Variants in GON4L observed in about 807,000 individuals in gnomAD.
GON4L encodes the protein gon-4 like, also known as GON-4-like protein.
GON4L carries 87 observed loss-of-function variants against 211.8 expected under a neutral mutation model. The ratio of observed to expected loss-of-function variants is 0.41; its 90% CI spans 0.35 to 0.49. GON4L has a LOEUF of 0.49. GON4L is among the 20% of genes least tolerant of loss of function. The probability of loss-of-function intolerance (pLI) is 0.15; values close to 1 mark genes in which losing one functional copy is unlikely to be tolerated. For missense variants in GON4L, 2,155 were observed against 2,659.5 expected (o/e 0.81, Z 4.17); for synonymous variants, 875 against 962.6 (o/e 0.91, Z 1.68).
At chr1:155,852,546 C>T (rs1671891983) in intron 2 of GON4L, among the ~76,000 whole-genome samples, 1 of 150,792 alleles carries the variant, frequency 6.6e-6, no homozygotes, top group South Asian at 2.1e-4. Flanking sequence ...CTGAGACCAT[C>T]CTGGCTAACA....
chr1:155,745,284 A>T (rs138711145), downstream of GON4L, among the ~76,000 whole-genome samples: 17 of 152,346 alleles, frequency 1.1e-4, no homozygotes, highest in Middle Eastern at 6.8e-3. Context: ...ACATACACAG[A>T]GATAGATTAA....
intron 11 of GON4L, 58 bp from the exon 12 acceptor site, chr1:155,795,209 C>A: frequency 1.0e-6 from 1 of 967,218 alleles, no homozygotes; most frequent in Non-Finnish European, 1.7e-6. Flanking sequence ...TTCTAAGAAT[C>A]TGTTCCAATA....
At chr1:155,844,199 T>C (rs1341607738) in intron 2 of GON4L, among the ~76,000 whole-genome samples, 1 of 152,174 alleles carries the variant, frequency 6.6e-6, no homozygotes, top group Non-Finnish European at 1.5e-5. Context: ...CTAGAATCTC[T>C]GGCCACCAAC....
intron 12 of GON4L, among the ~76,000 whole-genome samples, chr1:155,786,477 G>A (rs914061321): frequency 9.2e-5 from 14 of 151,988 alleles, no homozygotes; most frequent in African/African-American, 3.4e-4. Context: ...GCTGCAGTGT[G>A]CCAAGATCAT....
chr1:155,800,266 A>C (rs1666508081), intron 11 of GON4L, among the ~76,000 whole-genome samples: 1 of 152,014 alleles, frequency 6.6e-6, no homozygotes, highest in Non-Finnish European at 1.5e-5. Context: ...TACTTTTAAA[A>C]AATGGTTTAG....
rs370457027 is a variant in GON4L, at chr1:155,814,322, C to T, written c.1281+8G>A. The T allele has an allele frequency of 2.0e-4, 326 of 1,610,954 alleles. No homozygotes were observed. The African/African-American group carries it at 4.0e-3, about 20-fold the overall frequency. On this transcript the variant is annotated splice_region_variant and intron_variant, in intron 9 of 31. Transcript: ENST00000368331. Reference sequence around the variant, plus strand: ...GTCTAACATCTCTTTTGTATGATGCCGATTTACCTCTGATAATATGCCACT... The same window carrying T: ...GTCTAACATCTCTTTTGTATGATGCTGATTTACCTCTGATAATATGCCACT...
chr1:155,759,673 C>A (rs765555501), intron 24 of GON4L, among the ~76,000 whole-genome samples: 4 of 151,680 alleles, frequency 2.6e-5, no homozygotes, highest in Non-Finnish European at 5.9e-5. Flanking sequence ...TGCAGAACTA[C>A]CCCACTGTCA....
Position 155,757,327 on chromosome 1 carries a change from A to G in GON4L, c.5254-4T>C. On this transcript the variant is annotated splice_polypyrimidine_tract_variant and splice_region_variant and intron_variant, in intron 25 of 31. Transcript: ENST00000368331. The stretch of plus-strand genomic sequence containing the variant: ...GCTGCCACATCTGTGTCTTGAGCTG[A>G]GGAGAGTCACAGAGGGAAAGAGGAA... The G allele has an allele frequency of 6.2e-7, 1 of 1,613,128 alleles. No individual in the cohort carries two copies. The highest frequency in any genetic ancestry group is 8.5e-7 in the Non-Finnish European group (1 of 1,179,620).
chr1:155,840,846 A>G (rs1250384379), intron 2 of GON4L, among the ~76,000 whole-genome samples: 2 of 152,294 alleles, frequency 1.3e-5, no homozygotes, highest in African/African-American at 2.4e-5. Flanking sequence ...CAGCCTGACC[A>G]ACATGGAGAA....
Position 155,798,521 on chromosome 1 carries a change from T to C in GON4L, c.1646-3370A>G, listed in dbSNP as rs550721845. 3.4e-5 allele frequency among the ~76,000 whole-genome samples: 5 copies of C among 148,134 alleles called. No individual in the cohort carries two copies. The East Asian group carries it at 1.0e-3, about 30-fold the overall frequency. On this transcript the variant is annotated intron_variant, in intron 11 of 31. Transcript: ENST00000368331. ...GCCTCCCGGGTTCACGCCATTCTCCTGCCTCAGCCTCCCAAGTAGCTGGGA... is the reference window on the plus strand; with the variant it reads ...GCCTCCCGGGTTCACGCCATTCTCCCGCCTCAGCCTCCCAAGTAGCTGGGA...
chr1:155,771,665 A>C (rs1052763304), intron 18 of GON4L, among the ~76,000 whole-genome samples: 20 of 151,848 alleles, frequency 1.3e-4, no homozygotes, highest in African/African-American at 4.8e-4. Flanking sequence ...ATTTGTAGAG[A>C]CCAGTTCTCA....
rs145344675 is a variant in GON4L at position 155,805,198 on chromosome 1, C to T, written c.1453-57G>A. ...GAGTGATGTTTCCAAACCTCATCAT[C>T]ACTCCTTTTCTTCTCATCTTAGCTT... On this transcript the variant is annotated intron_variant, in intron 10 of 31. Coordinates refer to ENST00000368331, the MANE Select transcript of GON4L (RefSeq NM_001282860.2). 8.1e-6 allele frequency: 9 copies of T among 1,111,514 alleles called. No individual in the cohort carries two copies. In the East Asian group the frequency reaches 2.1e-4, roughly 26 times the overall value. The allele number at this position is 1,111,514 out of a possible 1,614,324, so 68.9% of individuals were successfully genotyped here. A position where few individuals can be genotyped will look rare whatever the true frequency, so the allele number is the denominator to read the frequency against.
intron 2 of GON4L, among the ~76,000 whole-genome samples, chr1:155,839,037 G>T (rs1167293850): frequency 1.3e-5 from 2 of 151,846 alleles, no homozygotes; most frequent in Non-Finnish European, 2.9e-5. Flanking sequence ...TCCTTCTTAG[G>T]TTTATATAAA....
In GON4L at chr1:155,757,270, C is replaced by T. The variant is rs774650188; in HGVS notation, c.5307G>A (p.Glu1769=). 1.2e-6 allele frequency: 2 copies of T among 1,613,972 alleles called. No individual in the cohort carries two copies. Among genetic ancestry groups the T allele is most frequent in the East Asian group, 4.5e-5 (2 of 44,880 alleles). The change falls in exon 26 of 32, where the codon GAG becomes GAA. Residue 1769 remains glutamate, a synonymous_variant. Transcript: ENST00000368331. The part of the protein sequence containing the change: ...LLKGHDHLQD[E]FSIFFDHLRP... ...GCAAGTGGTCAAAGAAGATAGAAAA[C>T]TCATCCTGCAGGTGGTCGTGGCCCT...
intron 2 of GON4L, among the ~76,000 whole-genome samples, chr1:155,845,016 G>C (rs1319077062): frequency 1.3e-5 from 2 of 152,110 alleles, no homozygotes; most frequent in Non-Finnish European, 2.9e-5. Context: ...TGCTAGGCAG[G>C]GCCAATGCCC....
chr1:155,808,891 C>T (rs7546314), intron 10 of GON4L, among the ~76,000 whole-genome samples: 4,146 of 152,000 alleles, frequency 0.027, 194 homozygotes, highest in African/African-American at 0.092. Flanking sequence ...GGATTATGGA[C>T]ATAAGCCACC....
chr1:155,797,586 G>A (rs1249773192), intron 11 of GON4L, among the ~76,000 whole-genome samples: 1 of 150,826 alleles, frequency 6.6e-6, no homozygotes, highest in South Asian at 2.1e-4. Context: ...GCTCACGCCT[G>A]TAATCCCAGA....
At chr1:155,784,357 CCTTTTTTTTTTTTTT>C in intron 13 of GON4L, 1 of 140,128 alleles carries the variant, frequency 7.1e-6, no homozygotes, top group Non-Finnish European at 1.3e-5. Context: ...ATCTCTCTCT[CCTTTTTTTTTTTTTT>C]TTTTTTTTTT....
rs557432605 is a variant in GON4L, at chr1:155,842,111, G to T, written c.505+11165C>A. 2.6e-5 allele frequency among the ~76,000 whole-genome samples: 4 copies of T among 152,012 alleles called. No homozygotes were observed. The East Asian group carries it at 7.7e-4, about 29-fold the overall frequency. On this transcript the variant is annotated intron_variant, in intron 2 of 31. Transcript: ENST00000368331. ...ACAAGCCTCACTATACCTTCCCCCC[G>T]CTCCCCTTTGGAACTTAAGAGACCA...
Sources: gnomAD v4.1 joint callset for allele counts (sites outside exome capture counted in the v4.1 genomes callset) on GRCh38, gnomAD v4.1.1 for gene constraint, MANE v1.5 for transcripts, NCBI Gene and HGNC (gene_info 2026-07-23, HGNC 2026-07-21) for gene names.